The following TRAM2 variants were observed in gnomAD, a reference collection of about 807,000 sequenced individuals.
TRAM2 encodes the protein translocation associated membrane protein 2, also known as translocating chain-associated membrane protein 2.
TRAM2 carries 12 observed loss-of-function variants against 51.0 expected under a neutral mutation model. That is an observed-to-expected ratio of 0.24 (90% CI 0.15 to 0.38). The LOEUF is 0.38. TRAM2 is among the 10% of genes least tolerant of loss of function. The probability of loss-of-function intolerance (pLI) is 1.00; values close to 1 mark genes in which losing one functional copy is unlikely to be tolerated. For missense variants in TRAM2, 361 were observed against 462.0 expected, an observed-to-expected ratio of 0.78 and a Z score of 2.00; for synonymous variants, 175 against 179.4, an observed-to-expected ratio of 0.98 and a Z score of 0.20.
intron 1 of TRAM2, among the ~76,000 whole-genome samples, chr6:52,552,946 T>C (rs1247109397): frequency 1.3e-5 from 2 of 152,200 alleles, no homozygotes; most frequent in East Asian, 3.8e-4. Flanking sequence ...CCATCATTTC[T>C]ACTCCCAATG....
At chr6:52,523,028 G>A in intron 2 of TRAM2, 1 of 647,914 alleles carries the variant, frequency 1.5e-6, no homozygotes, top group Non-Finnish European at 2.8e-6. Flanking sequence ...GAACTCATGT[G>A]AGCCAGGGCA....
intron 2 of TRAM2, among the ~76,000 whole-genome samples, chr6:52,525,273 C>T (rs553866621): frequency 7.2e-5 from 11 of 152,282 alleles, no homozygotes; most frequent in African/African-American, 1.9e-4. Flanking sequence ...ACCCTGAAGG[C>T]CTGCCCCACT....
Position 52,530,202 on chromosome 6 carries a change from G to A in TRAM2, c.184+5581C>T, listed in dbSNP as rs114494673. ...ATAGAAAGGCAAGCAGGAATGAGGA[G>A]AGCAGAAGTTAGTAAAGGAATATTT... On this transcript the variant is annotated intron_variant, in intron 2 of 10. Transcript: ENST00000182527. 6.3e-3 allele frequency among the ~76,000 whole-genome samples: 959 copies of A among 152,270 alleles called. 15 individuals carry two copies. Among genetic ancestry groups the A allele is most frequent in the African/African-American group, 0.022 (913 of 41,546 alleles).
At chr6:52,504,793 G>A in intron 9 of TRAM2, 39 bp from the exon 10 acceptor site, 1 of 1,553,190 alleles carries the variant, frequency 6.4e-7, no homozygotes, top group South Asian at 1.2e-5. Flanking sequence ...CTGGGGCTTG[G>A]GCTCACAGCC....
chr6:52,562,535 C>T (rs1169569175), intron 1 of TRAM2, among the ~76,000 whole-genome samples: 1 of 152,130 alleles, frequency 6.6e-6, no homozygotes, highest in African/African-American at 2.4e-5. Flanking sequence ...CCTCCTGTTA[C>T]ATACCAGGCA....
intron 2 of TRAM2, among the ~76,000 whole-genome samples, chr6:52,530,703 GAGCCTTCCA>G: frequency 6.6e-6 from 1 of 152,076 alleles, no homozygotes; most frequent in African/African-American, 2.4e-5. Flanking sequence ...ATCCTTCCCA[GAGCCTTCCA>G]AGGAGCGCGG....
chr6:52,530,136 A>G (rs185947348), intron 2 of TRAM2, among the ~76,000 whole-genome samples: 14 of 152,344 alleles, frequency 9.2e-5, no homozygotes, highest in Admixed American at 5.9e-4. Context: ...TTTATTGTTT[A>G]TCTGAAAATT....
rs1407470894 is a variant in TRAM2 at position 52,497,584 on chromosome 6, T to A, written c.*5613A>T. 6.6e-6 allele frequency: 1 copy of A among 152,624 alleles called. No homozygotes were observed. Among genetic ancestry groups the A allele is most frequent in the East Asian group, 1.9e-4 (1 of 5,202 alleles). 9.5% of individuals were successfully genotyped at this position (152,624 alleles called of 1,614,324 possible). A position where few individuals can be genotyped will look rare whatever the true frequency, so the allele number is the denominator to read the frequency against. On this transcript the variant is annotated 3_prime_UTR_variant, in exon 11 of 11. Coordinates refer to ENST00000182527, the MANE Select transcript of TRAM2 (RefSeq NM_012288.4). Reference sequence around the variant, plus strand: ...AAAGACACCCCTCCCCCCAACCCTTTTTTACATGAAAGCATAAATACGGCA... The same window carrying A: ...AAAGACACCCCTCCCCCCAACCCTTATTTACATGAAAGCATAAATACGGCA...
chr6:52,537,132 T>C (rs1766988307), intron 1 of TRAM2, among the ~76,000 whole-genome samples: 1 of 152,192 alleles, frequency 6.6e-6, no homozygotes, highest in African/African-American at 2.4e-5. Flanking sequence ...GTGGGTGTCA[T>C]TTACTCTGTA....
chr6:52,512,184 A>G (rs1403092687), intron 4 of TRAM2, among the ~76,000 whole-genome samples: 5 of 152,218 alleles, frequency 3.3e-5, no homozygotes, highest in African/African-American at 4.8e-5. Flanking sequence ...AGTTTTGCCC[A>G]AACAAGACTC....
intron 1 of TRAM2, among the ~76,000 whole-genome samples, chr6:52,546,703 T>C (rs1390143892): frequency 6.7e-6 from 1 of 150,010 alleles, no homozygotes; most frequent in Non-Finnish European, 1.5e-5. Flanking sequence ...TGGCTGGGGG[T>C]GTGAGAGGGG....
At chr6:52,507,529 G>C in intron 7 of TRAM2, 24 bp downstream of exon 7, 1 of 1,612,954 alleles carries the variant, frequency 6.2e-7, no homozygotes, top group Non-Finnish European at 8.5e-7. Context: ...AAGGAAATCT[G>C]GCTGGCTCCA....
intron 1 of TRAM2, among the ~76,000 whole-genome samples, chr6:52,550,406 T>C (rs1315345736): frequency 6.6e-6 from 1 of 152,188 alleles, no homozygotes; most frequent in Non-Finnish European, 1.5e-5. Flanking sequence ...AGTGCCTACA[T>C]AACCATTCCT....
rs551899959 is a variant in TRAM2 at position 52,512,896 on chromosome 6, A to G, written c.411+3110T>C. On this transcript the variant is annotated intron_variant, in intron 4 of 10. Transcript: ENST00000182527. ...TGTTAGTAGAAACCGGTCCTGGTACAAGCACCAGCATTAAGGACATTCCCT... is the reference window on the plus strand; with the variant it reads ...TGTTAGTAGAAACCGGTCCTGGTACGAGCACCAGCATTAAGGACATTCCCT... Among the ~76,000 whole-genome samples the G allele has an allele frequency of 1.1e-4, 17 of 152,334 alleles. No homozygotes were observed. The South Asian group carries it at 2.1e-3, about 19-fold the overall frequency.
intron 1 of TRAM2, among the ~76,000 whole-genome samples, chr6:52,536,817 T>G (rs990430781): frequency 6.6e-6 from 1 of 152,098 alleles, no homozygotes; most frequent in African/African-American, 2.4e-5. Flanking sequence ...CAAGGCCAGG[T>G]GAGGAGGCAG....
chr6:52,564,988 G>A (rs1767565395), intron 1 of TRAM2, among the ~76,000 whole-genome samples: 1 of 152,180 alleles, frequency 6.6e-6, no homozygotes, highest in South Asian at 2.1e-4. Context: ...AAGCATGAAG[G>A]AGGAGGGAAT....
chr6:52,568,035 C>T (rs1173510369), intron 1 of TRAM2, among the ~76,000 whole-genome samples: 4 of 152,226 alleles, frequency 2.6e-5, no homozygotes, highest in Non-Finnish European at 4.4e-5. Flanking sequence ...TAAGAAGGCA[C>T]AACCAGGCCG....
At chr6:52,549,278 C>CCTTCCCTCCCTCCCTCCCTT (rs1562485998) in intron 1 of TRAM2, among the ~76,000 whole-genome samples, 31 of 146,334 alleles carry the variant, frequency 2.1e-4, no homozygotes, top group African/African-American at 7.8e-4. Flanking sequence ...CTCCCTCCCT[C>CCTTCCCTCCCTCCCTCCCTT]CCTTCCTTCC....
At chr6:52,566,235 T>C (rs1032675952) in intron 1 of TRAM2, among the ~76,000 whole-genome samples, 1 of 152,096 alleles carries the variant, frequency 6.6e-6, no homozygotes, top group Non-Finnish European at 1.5e-5. Flanking sequence ...CCTTTCTCTC[T>C]CCCAACTTTC....
Sources: allele counts gnomAD v4.1 joint callset (sites outside exome capture counted in the v4.1 genomes callset), GRCh38; gene constraint gnomAD v4.1.1; transcripts MANE v1.5; gene names NCBI Gene and HGNC (gene_info 2026-07-23, HGNC 2026-07-21).